Variants in MACROD2 observed in about 807,000 individuals in gnomAD.
MACROD2 encodes the protein mono-ADP ribosylhydrolase 2.
MACROD2 carries 36 observed loss-of-function variants against 70.4 expected under a neutral mutation model. The observed-to-expected ratio is 0.51, with a 90% CI of 0.39 to 0.68. The LOEUF (loss-of-function observed/expected upper bound fraction) is 0.68. Among genes scored for constraint, MACROD2 ranks in the 30% least tolerant of loss-of-function variants. MACROD2 has a pLI of 0.00. For missense variants in MACROD2, 496 were observed against 538.4 expected, an observed-to-expected ratio of 0.92 and a Z score of 0.78; for synonymous variants, 172 against 178.8, an observed-to-expected ratio of 0.96 and a Z score of 0.30.
chr20:14,059,814 G>A (rs987279646), intron 2 of MACROD2, among the ~76,000 whole-genome samples: 11 of 152,156 alleles, frequency 7.2e-5, no homozygotes, highest in African/African-American at 2.4e-4. Flanking sequence ...TGTGATAAGT[G>A]CTATAAAGAA....
At chr20:15,812,799 T>C (rs2063834414) in intron 8 of MACROD2, among the ~76,000 whole-genome samples, 1 of 152,202 alleles carries the variant, frequency 6.6e-6, no homozygotes, top group South Asian at 2.1e-4. Context: ...GAAGGACAAA[T>C]GGTGCCTTGA....
Position 14,537,057 on chromosome 20 carries a change from C to T in MACROD2, c.301+43549C>T, listed in dbSNP as rs569061829. On this transcript the variant is annotated intron_variant, in intron 4 of 17. Coordinates refer to ENST00000684519, the MANE Select transcript of MACROD2 (RefSeq NM_001351661.2). ...TATTAGCCTAGAGCTCTCCCTACTC[C>T]CTCCAACCCCCTTCCTTCTGTTTTC... Among the ~76,000 whole-genome samples the T allele has an allele frequency of 5.3e-5, 8 of 152,276 alleles. No homozygotes were observed. In the South Asian group the frequency reaches 1.7e-3, roughly 32 times the overall value.
intron 5 of MACROD2, among the ~76,000 whole-genome samples, chr20:14,877,322 TAA>T (rs1430109289): frequency 6.6e-6 from 1 of 152,124 alleles, no homozygotes; most frequent in African/African-American, 2.4e-5. Flanking sequence ...GAAACTTTGC[TAA>T]AGTCATTGTT....
chr20:14,632,210 GC>G (rs939616165), intron 4 of MACROD2, among the ~76,000 whole-genome samples: 2 of 152,014 alleles, frequency 1.3e-5, no homozygotes, highest in Non-Finnish European at 2.9e-5. Context: ...AAATATGACT[GC>G]ATAAGGAATA....
At chr20:15,032,858 A>C (rs1472900257) in intron 5 of MACROD2, among the ~76,000 whole-genome samples, 1 of 152,228 alleles carries the variant, frequency 6.6e-6, no homozygotes, top group African/African-American at 2.4e-5. Context: ...GGATAAGCGA[A>C]ATGTAGTATA....
intron 3 of MACROD2, among the ~76,000 whole-genome samples, chr20:14,490,842 T>C (rs1042853328): frequency 2.6e-5 from 4 of 152,100 alleles, no homozygotes; most frequent in African/African-American, 9.7e-5. Flanking sequence ...AGGGTCAAAG[T>C]TTGCTTTCTT....
In MACROD2 at chr20:15,735,658, T is replaced by C. The variant is rs568217815; in HGVS notation, c.646-127087T>C. On this transcript the variant is annotated intron_variant, in intron 8 of 17. Coordinates refer to ENST00000684519, the MANE Select transcript of MACROD2 (RefSeq NM_001351661.2). ...CTGTGTAACTTTCAATTCTACTTTT[T>C]GTATTGGCAGGACTTGGCAAAGAAT... is the stretch of plus-strand genomic sequence containing the variant. Among the ~76,000 whole-genome samples, 198 of 152,346 alleles carry C rather than the reference T, an allele frequency of 1.3e-3. 1 individual carries two copies. Among genetic ancestry groups the C allele is most frequent in the African/African-American group, 4.5e-3 (189 of 41,576 alleles).
chr20:14,015,451 CTTG>C (rs553652492), intron 2 of MACROD2, among the ~76,000 whole-genome samples: 1 of 152,186 alleles, frequency 6.6e-6, no homozygotes, highest in South Asian at 2.1e-4. Context: ...GTGGTGTGCA[CTTG>C]TTGTCCCACC....
At chr20:15,409,960 C>G (rs143501819) in intron 6 of MACROD2, among the ~76,000 whole-genome samples, 200 of 152,286 alleles carry the variant, frequency 1.3e-3, no homozygotes, top group African/African-American at 4.6e-3. Context: ...AACCTTGGAA[C>G]CTGGGATATT....
rs926390168 is a variant in MACROD2 at position 15,532,629 on chromosome 20, A to G, written c.645+32782A>G. Among the ~76,000 whole-genome samples the G allele has an allele frequency of 2.0e-5, 3 of 151,390 alleles. 1 individual carries two copies. The highest frequency in any genetic ancestry group is 7.4e-5 in the African/African-American group (3 of 40,700). On this transcript the variant is annotated intron_variant, in intron 8 of 17. Transcript: ENST00000684519. ...TTATATAAACTCAATTATAAGAACA[A>G]ACAAGTGAAACAAAACAAAATAAAC... is the stretch of plus-strand genomic sequence containing the variant.
chr20:14,468,576 G>A (rs538383637), intron 3 of MACROD2, among the ~76,000 whole-genome samples: 3 of 151,418 alleles, frequency 2.0e-5, no homozygotes, highest in Admixed American at 6.6e-5. Context: ...GCAGTGGCTC[G>A]ATCTTGGCTC....
chr20:14,675,992 A>C (rs2070856317), intron 4 of MACROD2, among the ~76,000 whole-genome samples: 2 of 152,322 alleles, frequency 1.3e-5, no homozygotes, highest in South Asian at 4.2e-4. Flanking sequence ...CAACAAGAAG[A>C]GCTAACTATC....
chr20:14,952,717 A>G (rs2074485812), intron 5 of MACROD2, among the ~76,000 whole-genome samples: 1 of 152,100 alleles, frequency 6.6e-6, no homozygotes, highest in African/African-American at 2.4e-5. Flanking sequence ...TTCATATTTT[A>G]TATGTATACA....
intron 3 of MACROD2, among the ~76,000 whole-genome samples, chr20:14,200,888 T>G (rs1292706956): frequency 6.6e-6 from 1 of 152,164 alleles, no homozygotes; most frequent in Non-Finnish European, 1.5e-5. Flanking sequence ...AGTCTTGCTT[T>G]TGTATCTTTG....
chr20:14,006,801 C>T (rs892248468), intron 2 of MACROD2, among the ~76,000 whole-genome samples: 1 of 151,992 alleles, frequency 6.6e-6, no homozygotes, highest in Non-Finnish European at 1.5e-5. Flanking sequence ...ATTTTGCTTA[C>T]TGCATCTCTG....
At chr20:15,837,614 T>C (rs2064128485) in intron 8 of MACROD2, among the ~76,000 whole-genome samples, 1 of 152,182 alleles carries the variant, frequency 6.6e-6, no homozygotes, top group African/African-American at 2.4e-5. Context: ...GTCACCAAAG[T>C]GCAGCCTTTC....
At chr20:15,972,293 A>C (rs2066243566) in intron 13 of MACROD2, among the ~76,000 whole-genome samples, 1 of 152,186 alleles carries the variant, frequency 6.6e-6, no homozygotes, top group Non-Finnish European at 1.5e-5. Flanking sequence ...ATGTGGGAGA[A>C]AGGGACAGAA....
chr20:14,643,146 TAGC>T (rs1374594566), intron 4 of MACROD2, among the ~76,000 whole-genome samples: 1 of 152,214 alleles, frequency 6.6e-6, no homozygotes, highest in African/African-American at 2.4e-5. Flanking sequence ...ATAATTCCCT[TAGC>T]TCTGCTTTCA....
intron 5 of MACROD2, among the ~76,000 whole-genome samples, chr20:15,051,752 CTTTT>C (rs547605196): frequency 3.7e-5 from 5 of 136,940 alleles, no homozygotes; most frequent in Non-Finnish European, 6.3e-5. Context: ...TATACCATCT[CTTTT>C]TTTTTTTTTT....
Sources: gnomAD v4.1 joint callset for allele counts (sites outside exome capture counted in the v4.1 genomes callset) on GRCh38, gnomAD v4.1.1 for gene constraint, MANE v1.5 for transcripts, NCBI Gene and HGNC (gene_info 2026-07-23, HGNC 2026-07-21) for gene names.